PPARGC1A: variants seen among roughly 807,000 people sequenced by gnomAD.
PPARGC1A encodes PPARG coactivator 1 alpha, also known as peroxisome proliferator-activated receptor gamma coactivator 1-alpha.
In PPARGC1A, 25 loss-of-function variants were observed where a neutral mutation model predicts 88.7. That is an observed-to-expected ratio of 0.28 (90% CI 0.21 to 0.39). PPARGC1A has a LOEUF of 0.39. Among genes scored for constraint, PPARGC1A ranks in the 10% least tolerant of loss-of-function variants. The probability of loss-of-function intolerance (pLI) is 1.00; values close to 1 mark genes in which losing one functional copy is unlikely to be tolerated. For synonymous variants in PPARGC1A, 363 were observed against 355.6 expected, an observed-to-expected ratio of 1.02 and a Z score of -0.24; for missense variants, 880 against 968.7, an observed-to-expected ratio of 0.91 and a Z score of 1.22.
intron 2 of PPARGC1A, among the ~76,000 whole-genome samples, chr4:23,857,375 C>CTGT (rs1560455961): frequency 8.1e-6 from 1 of 123,796 alleles, no homozygotes; most frequent in Non-Finnish European, 1.7e-5. Flanking sequence ...GTGTGTGTGA[C>CTGT]ACACACACAC....
the PPARGC1A span, among the ~76,000 whole-genome samples, chr4:24,040,639 A>G: frequency 6.6e-6 from 1 of 152,224 alleles, no homozygotes; most frequent in African/African-American, 2.4e-5. Flanking sequence ...AACTCTGTAC[A>G]ATGAGTTAAT....
At chr4:24,060,373 C>A in the PPARGC1A span, among the ~76,000 whole-genome samples, 29 of 152,222 alleles carry the variant, frequency 1.9e-4, no homozygotes, top group Middle Eastern at 3.4e-3. Context: ...GCAATAATAC[C>A]CATAATTTTT....
At chr4:23,935,849 C>G in the PPARGC1A span, among the ~76,000 whole-genome samples, 1 of 151,798 alleles carries the variant, frequency 6.6e-6, no homozygotes. Context: ...TAACTGAAGC[C>G]CTTGTATAAC....
intron 7 of PPARGC1A, among the ~76,000 whole-genome samples, chr4:23,822,323 T>G (rs3774911): frequency 0.15 from 22,243 of 151,994 alleles, 1,633 homozygotes; most frequent in East Asian, 0.2. Flanking sequence ...TGTGCATTTT[T>G]TTTGTTTGTT....
In PPARGC1A at chr4:23,831,764, A is replaced by G; in HGVS notation, c.235-13T>C. On this transcript the variant is annotated splice_polypyrimidine_tract_variant and intron_variant, in intron 2 of 12. Transcript: ENST00000264867. ...CTTCATCTATCTTCTGCAGAAAGAGAAAAAAACAGAAGATGTGAGTTGACC... is the reference window on the plus strand; with the variant it reads ...CTTCATCTATCTTCTGCAGAAAGAGGAAAAAACAGAAGATGTGAGTTGACC... 1 of 1,595,232 alleles carries G rather than the reference A, an allele frequency of 6.3e-7. No individual in the cohort carries two copies. The highest frequency in any genetic ancestry group is 1.7e-4 in the Middle Eastern group (1 of 6,014).
At chr4:24,038,808 C>T in the PPARGC1A span, among the ~76,000 whole-genome samples, 1 of 152,118 alleles carries the variant, frequency 6.6e-6, no homozygotes, top group Non-Finnish European at 1.5e-5. Flanking sequence ...GCATACCAGA[C>T]ACTACACTGA....
intron 10 of PPARGC1A, among the ~76,000 whole-genome samples, chr4:23,810,237 C>G (rs1205480913): frequency 1.3e-5 from 2 of 152,196 alleles, no homozygotes; most frequent in African/African-American, 4.8e-5. Context: ...TTCCTTCAAT[C>G]TACTTTTCAA....
chr4:24,131,858 G>C, the PPARGC1A span, among the ~76,000 whole-genome samples: 1 of 152,154 alleles, frequency 6.6e-6, no homozygotes, highest in Non-Finnish European at 1.5e-5. Context: ...CTCTCATGAC[G>C]TAAGCAGAGG....
chr4:24,042,547 CA>C, the PPARGC1A span, among the ~76,000 whole-genome samples: 12 of 152,200 alleles, frequency 7.9e-5, no homozygotes, highest in Non-Finnish European at 1.8e-4. Context: ...AAGCCACTGA[CA>C]GCTTAAGCTA....
chr4:24,284,756 C>T, the PPARGC1A span, among the ~76,000 whole-genome samples: 25 of 152,158 alleles, frequency 1.6e-4, no homozygotes, highest in Non-Finnish European at 1.6e-4. Context: ...AGCCCGGGCA[C>T]GGTGGCTCAC....
At chr4:24,122,382 CGTATGT>C in the PPARGC1A span, among the ~76,000 whole-genome samples, 98 of 70,000 alleles carry the variant, frequency 1.4e-3, 1 homozygote, top group South Asian at 6.0e-3. Flanking sequence ...TGTGTGTATG[CGTATGT>C]GTGTGTGTGT....
chr4:24,412,626 G>A, the PPARGC1A span, among the ~76,000 whole-genome samples: 14 of 152,050 alleles, frequency 9.2e-5, no homozygotes, highest in Admixed American at 6.6e-4. Flanking sequence ...GATTACAGGC[G>A]ACCACCATCA....
chr4:24,176,608 G>A, the PPARGC1A span, among the ~76,000 whole-genome samples: 1 of 152,174 alleles, frequency 6.6e-6, no homozygotes, highest in African/African-American at 2.4e-5. Context: ...GCCCTGGAGT[G>A]TGAAGAGCCC....
the PPARGC1A span, among the ~76,000 whole-genome samples, chr4:24,205,932 G>A: frequency 6.6e-6 from 1 of 152,154 alleles, no homozygotes; most frequent in African/African-American, 2.4e-5. Context: ...AAGTAGGTTT[G>A]GAGGAAGCAA....
At chr4:24,017,840 T>C in the PPARGC1A span, among the ~76,000 whole-genome samples, 2 of 152,222 alleles carry the variant, frequency 1.3e-5, no homozygotes, top group African/African-American at 2.4e-5. Flanking sequence ...GAAAGTATGA[T>C]AGCTTTGGGA....
the PPARGC1A span, among the ~76,000 whole-genome samples, chr4:24,326,042 C>G: frequency 1.3e-5 from 2 of 152,132 alleles, no homozygotes; most frequent in African/African-American, 4.8e-5. Flanking sequence ...CATTGATGCC[C>G]TTCTTCCCAA....
chr4:24,188,334 G>A, the PPARGC1A span, among the ~76,000 whole-genome samples: 1 of 152,008 alleles, frequency 6.6e-6, no homozygotes, highest in Non-Finnish European at 1.5e-5. Flanking sequence ...CCATCCCCAA[G>A]GACTCCATCT....
the PPARGC1A span, among the ~76,000 whole-genome samples, chr4:24,280,790 G>A: frequency 6.6e-6 from 1 of 152,316 alleles, no homozygotes; most frequent in African/African-American, 2.4e-5. Context: ...TGTATCCATT[G>A]CATATGTGAA....
chr4:24,324,005 A>G, the PPARGC1A span, among the ~76,000 whole-genome samples: 102 of 152,284 alleles, frequency 6.7e-4, no homozygotes, highest in African/African-American at 2.3e-3. Flanking sequence ...GACAAAAGAG[A>G]CACGTTTTGT....
Sources: allele counts gnomAD v4.1 joint callset (sites outside exome capture counted in the v4.1 genomes callset), GRCh38; gene constraint gnomAD v4.1.1; transcripts MANE v1.5; gene names NCBI Gene and HGNC (gene_info 2026-07-23, HGNC 2026-07-21).